IFT43: variants seen among roughly 807,000 people sequenced by gnomAD.
IFT43 encodes intraflagellar transport 43.
IFT43 carries 33 observed loss-of-function variants against 32.3 expected under a neutral mutation model. That is an observed-to-expected ratio of 1.02 (90% CI 0.77 to 1.37). IFT43 has a LOEUF of 1.37. Ranked by LOEUF, IFT43 falls within the 40% of genes most tolerant of loss-of-function variation. The probability of loss-of-function intolerance (pLI) is 0.00; values close to 1 mark genes in which losing one functional copy is unlikely to be tolerated. For synonymous variants in IFT43, 93 were observed against 98.2 expected, an observed-to-expected ratio of 0.95 and a Z score of 0.31; for missense variants, 274 against 265.9, an observed-to-expected ratio of 1.03 and a Z score of -0.21.
chr14:75,999,249 A>AATATTCATTTATATATAAATTCATTT (rs1362508342), intron 2 of IFT43, among the ~76,000 whole-genome samples: 1 of 13,794 alleles, frequency 7.2e-5, no homozygotes, highest in African/African-American at 3.8e-4. Flanking sequence ...ATATATATAT[A>AATATTCATTTATATATAAATTCATTT]TATATATATA....
intron 1 of IFT43, among the ~76,000 whole-genome samples, chr14:75,988,517 CTTTTTT>C (rs11323702): frequency 1.3e-5 from 2 of 151,718 alleles, no homozygotes; most frequent in African/African-American, 4.8e-5. Context: ...GGCTTGTCAT[CTTTTTT>C]TTTGTTTTGT....
At chr14:76,013,399 G>A (rs547135140) in intron 2 of IFT43, among the ~76,000 whole-genome samples, 130 of 152,324 alleles carry the variant, frequency 8.5e-4, no homozygotes, top group African/African-American at 2.9e-3. Flanking sequence ...AGGTTCCCTA[G>A]CATCTGATCT....
Position 76,059,321 on chromosome 14 carries a change from G to T in IFT43, c.249-6G>T. On this transcript the variant is annotated splice_polypyrimidine_tract_variant and splice_region_variant and intron_variant, in intron 4 of 8. Coordinates refer to ENST00000314067, the MANE Select transcript of IFT43 (RefSeq NM_001102564.3). ...TTGCTGTCCTTTTCTTCTTTTTTGG[G>T]GGCAGTTTCCGCCTCAGACCACAGA... The T allele has an allele frequency of 6.2e-7, 1 of 1,613,892 alleles. No individual in the cohort carries two copies. The highest frequency in any genetic ancestry group is 1.1e-5 in the South Asian group (1 of 91,074).
intron 5 of IFT43, among the ~76,000 whole-genome samples, chr14:76,074,929 C>A (rs1487838685): frequency 6.6e-6 from 1 of 152,206 alleles, no homozygotes; most frequent in Non-Finnish European, 1.5e-5. Flanking sequence ...CTGTGAGGAG[C>A]AGTCAGCTAT....
intron 5 of IFT43, among the ~76,000 whole-genome samples, chr14:76,074,411 G>A (rs1043841862): frequency 2.6e-5 from 4 of 152,138 alleles, no homozygotes; most frequent in Non-Finnish European, 4.4e-5. Context: ...GCAGGACTCC[G>A]TTCTTCGTTT....
intron 2 of IFT43, among the ~76,000 whole-genome samples, chr14:76,002,377 G>A (rs1274265626): frequency 7.3e-6 from 1 of 137,556 alleles, no homozygotes; most frequent in Admixed American, 7.2e-5. Flanking sequence ...GGGGGGGGGT[G>A]GCATGATGTC....
At chr14:75,988,718 C>T in intron 1 of IFT43, 167 bp from the exon 2 acceptor site, 1 of 387,356 alleles carries the variant, frequency 2.6e-6, no homozygotes, top group Non-Finnish European at 3.5e-6. Flanking sequence ...CGGGGTTTCA[C>T]CGTGTTAGCC....
chr14:76,012,606 C>A (rs1345304120), intron 2 of IFT43, among the ~76,000 whole-genome samples: 1 of 152,214 alleles, frequency 6.6e-6, no homozygotes, highest in Non-Finnish European at 1.5e-5. Context: ...GTCCTGCCCC[C>A]TCCGTCCATC....
intron 3 of IFT43, among the ~76,000 whole-genome samples, chr14:76,024,198 C>T (rs1339263991): frequency 6.6e-6 from 1 of 152,240 alleles, no homozygotes; most frequent in Non-Finnish European, 1.5e-5. Context: ...TCTGTGAGAT[C>T]TTCGGCCATC....
At chr14:76,064,353 C>T (rs1372033142) in intron 5 of IFT43, among the ~76,000 whole-genome samples, 1 of 152,228 alleles carries the variant, frequency 6.6e-6, no homozygotes, top group Non-Finnish European at 1.5e-5. Context: ...TGCAATCTGC[C>T]TGTCATCGCA....
intron 2 of IFT43, among the ~76,000 whole-genome samples, chr14:76,016,863 G>A (rs902863121): frequency 6.6e-6 from 1 of 152,020 alleles, no homozygotes; most frequent in African/African-American, 2.4e-5. Flanking sequence ...TTATTGGTGT[G>A]TAAAAACACT....
chr14:76,061,734 A>G (rs2037138906), intron 5 of IFT43, among the ~76,000 whole-genome samples: 1 of 152,072 alleles, frequency 6.6e-6, no homozygotes, highest in African/African-American at 2.4e-5. Flanking sequence ...TAGCCTTTAT[A>G]TAGACTGAGT....
chr14:76,014,959 A>G (rs908033561), intron 2 of IFT43, among the ~76,000 whole-genome samples: 12 of 152,156 alleles, frequency 7.9e-5, no homozygotes, highest in African/African-American at 2.9e-4. Context: ...CTGACATCCA[A>G]TTACGTGGAT....
Position 76,058,643 on chromosome 14 carries a change from T to C in IFT43, c.217T>C (p.Phe73Leu). ...TTGTCTTTTCTTTTTTTTTTTCAGG[T>C]TTAGGAGGAAGGCTTCTGAAGAAAT... ...WAGDSVKASK[F>L]RRKASEEIED... Residue 73 changes from phenylalanine (F) to leucine (L), a missense_variant and splice_region_variant, in exon 4 of 9, where the codon TTT becomes CTT. Physicochemically the swap from Phe to Leu is conservative, Grantham distance 22 (BLOSUM62 0). Transcript: ENST00000314067. 5 of 1,612,000 alleles carry C rather than the reference T, an allele frequency of 3.1e-6. No homozygotes were observed. The highest frequency in any genetic ancestry group is 4.2e-6 in the Non-Finnish European group (5 of 1,178,964).
chr14:76,082,836 G>C, intron 7 of IFT43, 144 bp downstream of exon 7: 1 of 751,878 alleles, frequency 1.3e-6, no homozygotes, highest in South Asian at 1.4e-5. Context: ...CTCTGCTGCA[G>C]GTTTTATCAT....
At chr14:76,072,467 C>A (rs1314182606) in intron 5 of IFT43, among the ~76,000 whole-genome samples, 2 of 152,158 alleles carry the variant, frequency 1.3e-5, no homozygotes, top group African/African-American at 4.8e-5. Flanking sequence ...CACGAACATC[C>A]CTGCTCAAAA....
chr14:75,987,365 G>A (rs1041902275), intron 1 of IFT43, among the ~76,000 whole-genome samples: 5 of 152,116 alleles, frequency 3.3e-5, no homozygotes, highest in African/African-American at 1.2e-4. Flanking sequence ...TTGAAGTGTC[G>A]ACATTGCATA....
chr14:75,994,384 C>T (rs189665083), intron 2 of IFT43, among the ~76,000 whole-genome samples: 163 of 152,232 alleles, frequency 1.1e-3, no homozygotes, highest in African/African-American at 3.9e-3. Flanking sequence ...TTTGCTTGGT[C>T]ATTCGATACA....
chr14:76,058,057 G>C (rs1301283608), intron 3 of IFT43: 1 of 157,206 alleles, frequency 6.4e-6, no homozygotes, highest in Non-Finnish European at 1.4e-5. Flanking sequence ...AACAGGCCCC[G>C]CGGATGGTTC....
Sources: allele counts gnomAD v4.1 joint callset (sites outside exome capture counted in the v4.1 genomes callset), GRCh38; gene constraint gnomAD v4.1.1; transcripts MANE v1.5; gene names NCBI Gene and HGNC (gene_info 2026-07-23, HGNC 2026-07-21).